The following CHLSN variants were observed in gnomAD, a reference collection of about 807,000 sequenced individuals.
The protein encoded by CHLSN is cholesin.
chr7:1,038,602 A>G, the CHLSN span, among the ~76,000 whole-genome samples: 54 of 71,590 alleles, frequency 7.5e-4, no homozygotes, highest in Admixed American at 1.2e-3. Flanking sequence ...GGCCGCCCCT[A>G]CTGGGAAGTG....
chr7:1,028,129 C>G, the CHLSN span: 175 of 571,420 alleles, frequency 3.1e-4, 1 homozygote, highest in African/African-American at 3.5e-3. Flanking sequence ...GAGCGGGGCC[C>G]GCAGCAGCGT....
the CHLSN span, among the ~76,000 whole-genome samples, chr7:1,125,821 C>T: frequency 6.6e-6 from 1 of 152,206 alleles, no homozygotes; most frequent in Non-Finnish European, 1.5e-5. Flanking sequence ...AATGCTCTTA[C>T]CACGATGTGA....
At chr7:1,106,398 T>C in the CHLSN span, among the ~76,000 whole-genome samples, 1 of 151,596 alleles carries the variant, frequency 6.6e-6, no homozygotes, top group African/African-American at 2.4e-5. Context: ...GGGTGCCGTG[T>C]GGGGGAGAGG....
the CHLSN span, among the ~76,000 whole-genome samples, chr7:986,204 C>T: frequency 6.6e-6 from 1 of 152,112 alleles, no homozygotes; most frequent in Non-Finnish European, 1.5e-5. Flanking sequence ...CTGCCACAGG[C>T]AGTCACGGAG....
the CHLSN span, among the ~76,000 whole-genome samples, chr7:998,393 T>C: frequency 6.6e-6 from 1 of 151,468 alleles, no homozygotes; most frequent in Non-Finnish European, 1.5e-5. Context: ...TGCAAACGTC[T>C]CCCATTCTGT....
At chr7:992,667 G>A in the CHLSN span, among the ~76,000 whole-genome samples, 1,466 of 152,340 alleles carry the variant, frequency 9.6e-3, 17 homozygotes, top group African/African-American at 0.033. Flanking sequence ...GCTGGAAGCC[G>A]GCCTCACTCT....
the CHLSN span, among the ~76,000 whole-genome samples, chr7:1,023,719 C>A: frequency 1.3e-5 from 2 of 151,664 alleles, no homozygotes; most frequent in African/African-American, 4.9e-5. This position sits in a 1 kb window ranked among gnomAD's most constrained non-coding sequence, Gnocchi z 5.0. Flanking sequence ...AGCCCAACTC[C>A]TCGTTCTACA....
chr7:983,445 C>T, the CHLSN span: 24 of 1,362,046 alleles, frequency 1.8e-5, no homozygotes, highest in Admixed American at 3.0e-5. Context: ...CCTGGCCCCC[C>T]TCCTGGGGAA....
chr7:1,134,443 G>A, the CHLSN span, among the ~76,000 whole-genome samples: 2 of 151,782 alleles, frequency 1.3e-5, no homozygotes, highest in East Asian at 1.9e-4. Context: ...GTGTGGTGGC[G>A]TGTGCCTGTA....
At chr7:1,097,933 G>A in the CHLSN span, among the ~76,000 whole-genome samples, 1 of 152,314 alleles carries the variant, frequency 6.6e-6, no homozygotes, top group African/African-American at 2.4e-5. The surrounding 1 kb of genome is among the most constrained non-coding windows in gnomAD (Gnocchi z 4.3). Flanking sequence ...CAAAGGCAGA[G>A]CAATCATCCC....
the CHLSN span, chr7:1,022,968 G>C: frequency 2.1e-6 from 1 of 473,342 alleles, no homozygotes; most frequent in African/African-American, 2.0e-5. Context: ...CTCTGTCGTC[G>C]AGGCGCTCAC....
chr7:1,133,406 A>G, the CHLSN span, among the ~76,000 whole-genome samples: 1 of 151,598 alleles, frequency 6.6e-6, no homozygotes, highest in Non-Finnish European at 1.5e-5. Context: ...AAAAAAAAAA[A>G]AAAAAAACTA....
chr7:1,072,065 G>C, the CHLSN span, among the ~76,000 whole-genome samples: 2 of 152,160 alleles, frequency 1.3e-5, no homozygotes, highest in African/African-American at 2.4e-5. Context: ...GGATGGAAGA[G>C]CCCTGGGCAA....
the CHLSN span, among the ~76,000 whole-genome samples, chr7:1,135,302 C>T: frequency 1.0e-4 from 15 of 150,610 alleles, no homozygotes; most frequent in Non-Finnish European, 1.8e-4. Context: ...TTCAACTACA[C>T]GCCAACTCAA....
chr7:1,090,281 T>C, the CHLSN span, among the ~76,000 whole-genome samples: 1 of 152,094 alleles, frequency 6.6e-6, no homozygotes, highest in African/African-American at 2.4e-5. Flanking sequence ...AGCACCCCCC[T>C]GTGACTGCCC....
At chr7:1,123,419 C>T in the CHLSN span, among the ~76,000 whole-genome samples, 1 of 152,154 alleles carries the variant, frequency 6.6e-6, no homozygotes, top group Non-Finnish European at 1.5e-5. The surrounding 1 kb of genome is among the most constrained non-coding windows in gnomAD (Gnocchi z 4.4). Flanking sequence ...CGGGGGGACA[C>T]AGGCTTCTCC....
At chr7:1,093,054 C>T in the CHLSN span, 3 of 711,378 alleles carry the variant, frequency 4.2e-6, no homozygotes, top group Admixed American at 6.0e-5. Context: ...ACCTTGCACT[C>T]CTCACACAGA....
chr7:1,006,261 C>A, the CHLSN span, among the ~76,000 whole-genome samples: 6 of 152,314 alleles, frequency 3.9e-5, no homozygotes, highest in African/African-American at 1.4e-4. Context: ...GCCTGGGGCC[C>A]CTGCTGGGAA....
At chr7:997,920 T>G in the CHLSN span, 1 of 969,310 alleles carries the variant, frequency 1.0e-6, no homozygotes, top group East Asian at 2.7e-5. Context: ...GTCCTCCCAC[T>G]GCGGCCCGAG....
Sources: gnomAD v4.1 joint callset for allele counts (sites outside exome capture counted in the v4.1 genomes callset) on GRCh38, gnomAD v4.1.1 for gene constraint, Gnocchi (gnomAD v3.1) non-coding constraint, MANE v1.5 for transcripts, NCBI Gene and HGNC (gene_info 2026-07-23, HGNC 2026-07-21) for gene names.